Variants in TMEM132D observed in about 807,000 individuals in gnomAD.
The protein encoded by TMEM132D is mature OL transmembrane protein.
Under a neutral mutation model 62.3 loss-of-function variants are expected in TMEM132D, and 21 were observed. The observed-to-expected ratio is 0.34, with a 90% CI of 0.24 to 0.49. The LOEUF (loss-of-function observed/expected upper bound fraction) is 0.49, where lower values mean the gene tolerates loss of function less well. TMEM132D is among the 20% of genes least tolerant of loss of function. TMEM132D has a pLI of 0.99. For synonymous variants in TMEM132D, 621 were observed against 575.6 expected (o/e 1.08, Z -1.13); for missense variants, 1,346 against 1,402.8 (o/e 0.96, Z 0.65).
chr12:129,367,833 T>A (rs1870470235), intron 3 of TMEM132D, among the ~76,000 whole-genome samples: 1 of 149,418 alleles, frequency 6.7e-6, no homozygotes, highest in African/African-American at 2.5e-5. Context: ...TCACCCAGGC[T>A]GGAGTGCAGC....
chr12:129,352,475 C>A (rs1869899753), intron 3 of TMEM132D, among the ~76,000 whole-genome samples: 1 of 149,530 alleles, frequency 6.7e-6, no homozygotes. Context: ...GAACAGGCAA[C>A]CTACTGAATG....
intron 4 of TMEM132D, among the ~76,000 whole-genome samples, chr12:129,280,183 A>G (rs1881104089): frequency 6.6e-6 from 1 of 152,240 alleles, no homozygotes; most frequent in South Asian, 2.1e-4. Context: ...AAAGTGAAAT[A>G]CACATAGTAC....
At chr12:129,864,921 G>A (rs575544928) in intron 1 of TMEM132D, among the ~76,000 whole-genome samples, 35 of 152,276 alleles carry the variant, frequency 2.3e-4, no homozygotes, top group South Asian at 1.5e-3. Flanking sequence ...AGGTTCAGTC[G>A]TGCAAGATGG....
At chr12:129,770,140 G>GTTTTTTTTTTTTTTTTTTTTTTT (rs375230592) in intron 1 of TMEM132D, among the ~76,000 whole-genome samples, 3 of 104,310 alleles carry the variant, frequency 2.9e-5, no homozygotes, top group Non-Finnish European at 1.8e-5. Context: ...GGTTTTTTTG[G>GTTTTTTTTTTTTTTTTTTTTTTT]TTGTTTTTTT....
intron 2 of TMEM132D, among the ~76,000 whole-genome samples, chr12:129,550,972 C>T (rs1177593781): frequency 6.6e-6 from 1 of 152,202 alleles, no homozygotes; most frequent in Non-Finnish European, 1.5e-5. Flanking sequence ...ATACTTGGAG[C>T]TCAAAGCCAC....
intron 1 of TMEM132D, among the ~76,000 whole-genome samples, chr12:129,831,893 CTG>C (rs1329261250): frequency 1.1e-5 from 1 of 91,908 alleles, no homozygotes; most frequent in African/African-American, 3.6e-5. Flanking sequence ...TTTTTTGAGA[CTG>C]AGTCTTGCTC....
chr12:129,147,226 G>GTATGTATATATACATATGTT lies in TMEM132D; in HGVS notation c.1443+62274_1443+62293dup, dbSNP rs1433300466. On this transcript the variant is annotated intron_variant, in intron 5 of 8. Transcript: ENST00000422113. ...TATATGTATACACATATACACATGT[G>GTATGTATATATACATATGTT]TATGTATATATACATATGTTTATGT... 2.3e-4 allele frequency among the ~76,000 whole-genome samples: 25 copies of GTATGTATATATACATATGTT among 108,942 alleles called. 1 individual carries two copies. The East Asian group carries it at 5.3e-3, about 23-fold the overall frequency. The allele number at this position is 108,942 out of a possible 152,430, so 71.5% of individuals were successfully genotyped here.
At chr12:129,535,747 T>G (rs1876363569) in intron 2 of TMEM132D, among the ~76,000 whole-genome samples, 1 of 151,046 alleles carries the variant, frequency 6.6e-6, no homozygotes, top group African/African-American at 2.4e-5. Flanking sequence ...AGTGTTTTGT[T>G]TGTTGGGAGA....
chr12:129,201,651 T>C (rs1284246518), intron 5 of TMEM132D, among the ~76,000 whole-genome samples: 3 of 152,196 alleles, frequency 2.0e-5, no homozygotes, highest in Non-Finnish European at 4.4e-5. Context: ...CTCTTTTCTA[T>C]TGGATGTGAA....
At position 129,730,104 on chromosome 12, in the gene TMEM132D, CT is replaced by C. The variant is rs1869179999; in HGVS notation, c.80-29407del. 2.0e-5 allele frequency among the ~76,000 whole-genome samples: 3 copies of C among 152,328 alleles called. No homozygotes were observed. The South Asian group carries it at 6.2e-4, about 32-fold the overall frequency. On this transcript the variant is annotated intron_variant, in intron 1 of 8. Transcript: ENST00000422113. ...TGAATAAACAGCCTTGTTGCTCACA[CT>C]AAGCCTGTTCAGCTGGTCTCTTATA... is the stretch of plus-strand genomic sequence containing the variant.
Position 129,592,449 on chromosome 12 carries a change from T to G in TMEM132D, c.969-61244A>C, listed in dbSNP as rs1002366819. Among the ~76,000 whole-genome samples the G allele has an allele frequency of 2.0e-5, 3 of 152,232 alleles. No homozygotes were observed. In the East Asian group the frequency reaches 5.8e-4, roughly 29 times the overall value. On this transcript the variant is annotated intron_variant, in intron 2 of 8. Transcript: ENST00000422113. ...GGATAATCCAACTGGTCTATAGAAT[T>G]TGGCAATCTCTTTCTTTGGCTCAAC... is the stretch of plus-strand genomic sequence containing the variant.
Position 129,605,604 on chromosome 12 carries a change from T to TATATATATACACACAC in TMEM132D, c.969-74400_969-74399insGTGTGTGTATATATAT, listed in dbSNP as rs150550863. On this transcript the variant is annotated intron_variant, in intron 2 of 8. Transcript: ENST00000422113. ...ATTAGGCATTATATATATATATATA[T>TATATATATACACACAC]ACACACACATATATATATACACACA... 3.8e-5 allele frequency among the ~76,000 whole-genome samples: 4 copies of TATATATATACACACAC among 106,274 alleles called. No homozygotes were observed. The East Asian group carries it at 6.9e-4, about 18-fold the overall frequency. The allele number at this position is 106,274 out of a possible 152,430, so 69.7% of individuals were successfully genotyped here. A position where few individuals can be genotyped will look rare whatever the true frequency, so the allele number is the denominator to read the frequency against.
intron 2 of TMEM132D, among the ~76,000 whole-genome samples, chr12:129,668,746 T>C (rs1880435598): frequency 1.3e-5 from 2 of 152,234 alleles, no homozygotes; most frequent in Admixed American, 1.3e-4. Flanking sequence ...TATAGTTAAT[T>C]GCATACGTGC....
At chr12:129,420,718 T>C (rs1363245509) in intron 3 of TMEM132D, among the ~76,000 whole-genome samples, 1 of 152,154 alleles carries the variant, frequency 6.6e-6, no homozygotes, top group African/African-American at 2.4e-5. Flanking sequence ...ACCTTCATTT[T>C]TTGCTTCACT....
intron 2 of TMEM132D, among the ~76,000 whole-genome samples, chr12:129,645,055 G>A (rs1879739228): frequency 6.8e-6 from 1 of 146,792 alleles, no homozygotes. Context: ...GGCCAGCAAA[G>A]ATAAGTAGCC....
At chr12:129,105,446 TG>T (rs1485371771) in intron 5 of TMEM132D, among the ~76,000 whole-genome samples, 2 of 134,556 alleles carry the variant, frequency 1.5e-5, no homozygotes, top group East Asian at 4.5e-4. Flanking sequence ...TAATGCTAGA[TG>T]ACGAGTTAGT....
intron 8 of TMEM132D, 142 bp from the exon 9 acceptor site, chr12:129,075,201 A>G: frequency 1.5e-6 from 1 of 680,476 alleles, no homozygotes; most frequent in South Asian, 2.2e-5. Flanking sequence ...AATAAGCGAT[A>G]AGAAGTACCA....
At chr12:129,785,712 T>A (rs1252886600) in intron 1 of TMEM132D, among the ~76,000 whole-genome samples, 1 of 152,206 alleles carries the variant, frequency 6.6e-6, no homozygotes, top group Non-Finnish European at 1.5e-5. Context: ...TCTCTAGAAC[T>A]GTGAGGAAAT....
intron 2 of TMEM132D, among the ~76,000 whole-genome samples, chr12:129,568,417 C>T (rs972966987): frequency 2.6e-5 from 4 of 152,206 alleles, no homozygotes; most frequent in Non-Finnish European, 5.9e-5. Flanking sequence ...TGGGAGCAGA[C>T]ATACCCCAGA....
Sources: allele counts gnomAD v4.1 joint callset (sites outside exome capture counted in the v4.1 genomes callset), GRCh38; gene constraint gnomAD v4.1.1; transcripts MANE v1.5; gene names NCBI Gene and HGNC (gene_info 2026-07-23, HGNC 2026-07-21).